The following LAMA3 variants were observed in gnomAD, a reference collection of about 807,000 sequenced individuals.
LAMA3 encodes the protein laminin subunit alpha-3.
Under a neutral mutation model 402.0 loss-of-function variants are expected in LAMA3, and 281 were observed. That is an observed-to-expected ratio of 0.70 (90% CI 0.63 to 0.77). The LOEUF (loss-of-function observed/expected upper bound fraction) is 0.77, where lower values mean the gene tolerates loss of function less well. Among genes scored for constraint, LAMA3 ranks in the 30% least tolerant of loss-of-function variants. LAMA3 has a pLI of 0.00. For synonymous variants in LAMA3, 1,431 were observed against 1,558.4 expected, an observed-to-expected ratio of 0.92 and a Z score of 1.93; for missense variants, 3,840 against 4,215.5, an observed-to-expected ratio of 0.91 and a Z score of 2.47.
intron 70 of LAMA3, among the ~76,000 whole-genome samples, 199 bp from the exon 71 acceptor site, chr18:23,949,566 T>C (rs1169775645): frequency 2.0e-5 from 3 of 152,190 alleles, no homozygotes; most frequent in African/African-American, 7.2e-5. Context: ...ATACAGGTTT[T>C]TCTTGGCACT....
chr18:23,883,771 A>G (rs1204245440), intron 40 of LAMA3, among the ~76,000 whole-genome samples: 2 of 152,222 alleles, frequency 1.3e-5, no homozygotes, highest in African/African-American at 4.8e-5. Context: ...GCTTGGAAAA[A>G]GTTTTTCATT....
At position 23,749,415 on chromosome 18, in the gene LAMA3, A is replaced by G. The variant is rs2061705724; in HGVS notation, c.566-13A>G. ...ATATTTTGTTTTATAATATTAAAAT[A>G]TTTTCCTTCTAGATTCTAAAGTAGA... On this transcript the variant is annotated splice_polypyrimidine_tract_variant and intron_variant, in intron 3 of 74. Transcript: ENST00000313654. 1 of 1,313,134 alleles carries G rather than the reference A, an allele frequency of 7.6e-7. No individual in the cohort carries two copies. Among genetic ancestry groups the G allele is most frequent in the African/African-American group, 1.5e-5 (1 of 68,152 alleles). 81.3% of individuals were successfully genotyped at this position (1,313,134 alleles called of 1,614,324 possible). A position where few individuals can be genotyped will look rare whatever the true frequency, so the allele number is the denominator to read the frequency against.
chr18:23,777,251 T>G (rs1161344802), intron 10 of LAMA3, among the ~76,000 whole-genome samples: 3 of 110,640 alleles, frequency 2.7e-5, no homozygotes, highest in Non-Finnish European at 7.1e-5. Context: ...TGATTTTATG[T>G]TAAAAAAAAA....
At chr18:23,871,737 G>A in intron 38 of LAMA3, 76 bp downstream of exon 38, 1 of 1,149,514 alleles carries the variant, frequency 8.7e-7, no homozygotes, top group South Asian at 1.3e-5. Context: ...CAGCACTGTG[G>A]GATGGTTTGG....
At chr18:23,789,926 C>A (rs1380781323) in intron 12 of LAMA3, among the ~76,000 whole-genome samples, 3 of 152,160 alleles carry the variant, frequency 2.0e-5, no homozygotes, top group Non-Finnish European at 4.4e-5. Context: ...CACTTGTCAG[C>A]CTTATCTCTG....
intron 2 of LAMA3, among the ~76,000 whole-genome samples, chr18:23,715,484 T>G (rs2061081207): frequency 6.6e-6 from 1 of 152,016 alleles, no homozygotes; most frequent in African/African-American, 2.4e-5. Context: ...GTAGGGAAAT[T>G]AAGAGAGAAT....
intron 40 of LAMA3, among the ~76,000 whole-genome samples, chr18:23,884,227 A>C (rs1401388090): frequency 6.6e-6 from 1 of 152,224 alleles, no homozygotes. Context: ...TTTGAAAAAA[A>C]AGTGAGAATC....
intron 7 of LAMA3, among the ~76,000 whole-genome samples, chr18:23,762,424 A>G (rs1263555521): frequency 6.7e-6 from 1 of 149,746 alleles, no homozygotes; most frequent in Non-Finnish European, 1.5e-5. Flanking sequence ...CCCCATCTCT[A>G]CTAAAAATAC....
intron 68 of LAMA3, among the ~76,000 whole-genome samples, chr18:23,940,390 T>G (rs1414310650): frequency 6.6e-6 from 1 of 152,224 alleles, no homozygotes. Flanking sequence ...CGAGTGTCAC[T>G]GAAGACCTAG....
chr18:23,949,496 T>G (rs1186955197), intron 70 of LAMA3, among the ~76,000 whole-genome samples: 2 of 152,162 alleles, frequency 1.3e-5, no homozygotes, highest in South Asian at 2.1e-4. Flanking sequence ...CCCGCCCTCC[T>G]GCACACACCA....
At chr18:23,876,797 C>A (rs563172258) in intron 39 of LAMA3, among the ~76,000 whole-genome samples, 8 of 152,024 alleles carry the variant, frequency 5.3e-5, no homozygotes, top group Non-Finnish European at 1.0e-4. Flanking sequence ...TGTCAGATGT[C>A]CAGTAACTCA....
chr18:23,940,190 C>A (rs1437459758), intron 68 of LAMA3, among the ~76,000 whole-genome samples: 1 of 152,170 alleles, frequency 6.6e-6, no homozygotes, highest in Non-Finnish European at 1.5e-5. Context: ...GGAGAGCCCG[C>A]AGATGGCTGT....
chr18:23,911,709 T>C (rs1162359700), intron 55 of LAMA3, among the ~76,000 whole-genome samples: 1 of 150,686 alleles, frequency 6.6e-6, no homozygotes, highest in Non-Finnish European at 1.5e-5. Flanking sequence ...AACTGTAACA[T>C]GTAATATATC....
chr18:23,704,082 C>T (rs944209615), intron 1 of LAMA3, among the ~76,000 whole-genome samples: 3 of 152,134 alleles, frequency 2.0e-5, no homozygotes, highest in Non-Finnish European at 2.9e-5. Flanking sequence ...AGCAGAGGTT[C>T]GTGGAAACAT....
chr18:23,862,691 C>A (rs1173131302), intron 35 of LAMA3, among the ~76,000 whole-genome samples: 1 of 152,192 alleles, frequency 6.6e-6, no homozygotes, highest in Non-Finnish European at 1.5e-5. Context: ...TGCTATGTAA[C>A]AAATTACTCC....
chr18:23,783,769 A>C (rs145465380), intron 11 of LAMA3, among the ~76,000 whole-genome samples: 2 of 152,206 alleles, frequency 1.3e-5, no homozygotes, highest in African/African-American at 4.8e-5. Context: ...AAATGTTTCC[A>C]CAGGAATAGA....
chr18:23,696,957 C>T (rs1431606413), intron 1 of LAMA3, among the ~76,000 whole-genome samples: 1 of 152,218 alleles, frequency 6.6e-6, no homozygotes, highest in East Asian at 1.9e-4. Context: ...CCACATGTGA[C>T]TGTCACTGCA....
At chr18:23,844,603 C>T (rs1050418326) in intron 29 of LAMA3, among the ~76,000 whole-genome samples, 2 of 152,170 alleles carry the variant, frequency 1.3e-5, no homozygotes, top group Admixed American at 6.5e-5. Flanking sequence ...CTGGCTTTGG[C>T]CTGTTCCTGT....
chr18:23,727,511 A>G (rs1332257071), intron 2 of LAMA3, among the ~76,000 whole-genome samples: 1 of 152,054 alleles, frequency 6.6e-6, no homozygotes, highest in Non-Finnish European at 1.5e-5. Flanking sequence ...TTTTTACTAC[A>G]GATGGGGTTT....
Sources: gnomAD v4.1 joint callset for allele counts (sites outside exome capture counted in the v4.1 genomes callset) on GRCh38, gnomAD v4.1.1 for gene constraint, MANE v1.5 for transcripts, NCBI Gene and HGNC (gene_info 2026-07-23, HGNC 2026-07-21) for gene names.